Variants in GNG2 observed in about 807,000 individuals in gnomAD.
The protein encoded by GNG2 is guanine nucleotide-binding protein G(I)/G(S)/G(O) subunit gamma-2.
GNG2 carries 5 observed loss-of-function variants against 5.5 expected under a neutral mutation model. The ratio of observed to expected loss-of-function variants is 0.91; its 90% confidence interval spans 0.48 to 1.92. The LOEUF is 1.92. GNG2 is among the 30% of genes most tolerant of loss of function. The probability of loss-of-function intolerance (pLI) is 0.01; values close to 1 mark genes in which losing one functional copy is unlikely to be tolerated. For synonymous variants in GNG2, 28 were observed against 32.0 expected, an observed-to-expected ratio of 0.88 and a Z score of 0.42; for missense variants, 55 against 88.4, an observed-to-expected ratio of 0.62 and a Z score of 1.52.
intron 2 of GNG2, among the ~76,000 whole-genome samples, chr14:51,942,938 C>T (rs1021677626): frequency 1.3e-5 from 2 of 152,094 alleles, no homozygotes; most frequent in Non-Finnish European, 2.9e-5. Flanking sequence ...TAGCACTATC[C>T]AACCTTTGAT....
At chr14:51,849,588 C>G (rs1320203462) in intron 2 of GNG2, among the ~76,000 whole-genome samples, 1 of 152,150 alleles carries the variant, frequency 6.6e-6, no homozygotes, top group Admixed American at 6.5e-5. Flanking sequence ...TCCTGCTGCT[C>G]TGTTCCCCTT....
chr14:51,904,489 C>G (rs1176924464), intron 2 of GNG2, among the ~76,000 whole-genome samples: 1 of 152,114 alleles, frequency 6.6e-6, no homozygotes. Flanking sequence ...CTCAGAGCAC[C>G]ATACGGAGAT....
chr14:51,916,164 T>C (rs913447444), intron 2 of GNG2: 1 of 231,512 alleles, frequency 4.3e-6, no homozygotes, highest in Non-Finnish European at 8.6e-6. Flanking sequence ...ATTCTACCTA[T>C]GTAATCATTT....
At chr14:51,836,960 C>G (rs145029112) in intron 2 of GNG2, among the ~76,000 whole-genome samples, 2,214 of 149,590 alleles carry the variant, frequency 0.015, 25 homozygotes, top group Non-Finnish European at 0.024. Flanking sequence ...CGGGTTCAAG[C>G]GATTCTCCTG....
chr14:51,951,907 C>A, intron 3 of GNG2: 1 of 702,094 alleles, frequency 1.4e-6, no homozygotes. Context: ...GACCCCTGGT[C>A]TACAGCGATG....
At chr14:51,841,634 A>G (rs1881486031) in intron 2 of GNG2, 5 of 682,936 alleles carry the variant, frequency 7.3e-6, no homozygotes, top group Non-Finnish European at 1.3e-5. Flanking sequence ...AAAGAAAACA[A>G]GCAAGCAAAA....
At chr14:51,956,342 A>C (rs1889271759) in intron 3 of GNG2, among the ~76,000 whole-genome samples, 1 of 152,078 alleles carries the variant, frequency 6.6e-6, no homozygotes, top group Non-Finnish European at 1.5e-5. Flanking sequence ...ACTGCTTGCT[A>C]TTGGCATTTG....
intron 2 of GNG2, among the ~76,000 whole-genome samples, chr14:51,905,428 T>A (rs888595095): frequency 2.0e-5 from 3 of 152,188 alleles, no homozygotes; most frequent in Non-Finnish European, 4.4e-5. Context: ...TGTGTTAAAA[T>A]TGCAATAAAA....
At chr14:51,852,838 G>T (rs570424304) in intron 2 of GNG2, among the ~76,000 whole-genome samples, 1 of 152,306 alleles carries the variant, frequency 6.6e-6, no homozygotes, top group African/African-American at 2.4e-5. Flanking sequence ...TCACAGATTT[G>T]CCAGAAGAGC....
chr14:51,843,328 C>T lies in GNG2; in HGVS notation c.64+15521C>T, dbSNP rs536044963. On this transcript the variant is annotated intron_variant, in intron 2 of 3. Transcript: ENST00000553432. Reference sequence around the variant, plus strand: ...TCTCTCTTACCTCCTCACAGACATACCCAGACACCTGACTGCCAACTGCTA... The same window carrying T: ...TCTCTCTTACCTCCTCACAGACATATCCAGACACCTGACTGCCAACTGCTA... 5.9e-5 allele frequency among the ~76,000 whole-genome samples: 9 copies of T among 152,286 alleles called. No individual in the cohort carries two copies. In the East Asian group the frequency reaches 1.7e-3, roughly 29 times the overall value.
intron 2 of GNG2, chr14:51,914,153 T>G (rs1886465178): frequency 1.4e-6 from 1 of 692,902 alleles, no homozygotes; most frequent in African/African-American, 1.8e-5. Flanking sequence ...GGGAATGGAG[T>G]CATTCCATAT....
intron 2 of GNG2, among the ~76,000 whole-genome samples, chr14:51,842,294 A>C (rs1045954101): frequency 1.3e-5 from 2 of 152,224 alleles, no homozygotes; most frequent in African/African-American, 4.8e-5. Flanking sequence ...TAAAAAATTC[A>C]ATTTTAATAC....
intron 2 of GNG2, among the ~76,000 whole-genome samples, chr14:51,845,458 C>T (rs1472585001): frequency 6.6e-6 from 1 of 152,196 alleles, no homozygotes; most frequent in Non-Finnish European, 1.5e-5. Context: ...CATACCACTG[C>T]ACTCCAACCT....
intron 2 of GNG2, among the ~76,000 whole-genome samples, chr14:51,882,409 A>C (rs1884141633): frequency 6.6e-6 from 1 of 152,172 alleles, no homozygotes; most frequent in African/African-American, 2.4e-5. Context: ...TCTACACCAA[A>C]ATTGTTATAA....
rs113599001 is a variant in GNG2, at chr14:51,967,997, G to C, written c.*1310G>C. 1.8e-4 allele frequency: 27 copies of C among 152,280 alleles called. No individual in the cohort carries two copies. The highest frequency in any genetic ancestry group is 5.3e-4 in the African/African-American group (22 of 41,558). The allele number at this position is 152,280 out of a possible 1,614,324, so 9.4% of individuals were successfully genotyped here. ...GTGCGGTCCCCACGGCCGGCTCTACGAGGAAGAGTTCTGGCTCTTTTGTCC... is the reference window on the plus strand; with the variant it reads ...GTGCGGTCCCCACGGCCGGCTCTACCAGGAAGAGTTCTGGCTCTTTTGTCC... On this transcript the variant is annotated 3_prime_UTR_variant, in exon 4 of 4. Coordinates refer to ENST00000556766, the MANE Select transcript of GNG2 (RefSeq NM_053064.5).
intron 2 of GNG2, among the ~76,000 whole-genome samples, chr14:51,938,354 T>C (rs901057094): frequency 2.6e-5 from 4 of 152,232 alleles, no homozygotes; most frequent in African/African-American, 9.6e-5. Flanking sequence ...AGATTATGCA[T>C]GTAATGTTTT....
chr14:51,844,109 A>G (rs969004852), intron 2 of GNG2, among the ~76,000 whole-genome samples: 9 of 152,180 alleles, frequency 5.9e-5, no homozygotes, highest in Admixed American at 3.9e-4. Context: ...CCAGATATTC[A>G]ACCAGTTTGA....
At chr14:51,843,372 A>G (rs184108065) in intron 2 of GNG2, among the ~76,000 whole-genome samples, 24 of 152,240 alleles carry the variant, frequency 1.6e-4, no homozygotes, top group African/African-American at 5.5e-4. Context: ...CCTCATATAG[A>G]ACAATGAGAA....
chr14:51,924,600 G>A (rs376370679), intron 2 of GNG2, among the ~76,000 whole-genome samples: 1 of 152,132 alleles, frequency 6.6e-6, no homozygotes, highest in African/African-American at 2.4e-5. Context: ...GGAACCTTGA[G>A]GAAGAAACAG....
Sources: allele counts gnomAD v4.1 joint callset (sites outside exome capture counted in the v4.1 genomes callset), GRCh38; gene constraint gnomAD v4.1.1; transcripts MANE v1.5; gene names NCBI Gene and HGNC (gene_info 2026-07-23, HGNC 2026-07-21).